The following PTPRN2 variants were observed in gnomAD, a reference collection of about 807,000 sequenced individuals.
The protein encoded by PTPRN2 is receptor-type tyrosine-protein phosphatase N2.
A neutral mutation model predicts 118.8 loss-of-function variants in PTPRN2; 74 were observed. The observed-to-expected ratio is 0.62, with a 90% CI of 0.52 to 0.76. The LOEUF (loss-of-function observed/expected upper bound fraction) is 0.76, where lower values mean the gene tolerates loss of function less well. PTPRN2 is among the 30% of genes least tolerant of loss of function. The pLI is 0.00. For missense variants in PTPRN2, 1,481 were observed against 1,394.4 expected (o/e 1.06, Z -0.99); for synonymous variants, 641 against 608.0 (o/e 1.05, Z -0.80).
At chr7:158,135,034 C>G (rs1403623686) in intron 8 of PTPRN2, among the ~76,000 whole-genome samples, 3 of 152,186 alleles carry the variant, frequency 2.0e-5, no homozygotes, top group Non-Finnish European at 4.4e-5. Flanking sequence ...AAGACCGGGT[C>G]TGCTCCTGCC....
intron 1 of PTPRN2, among the ~76,000 whole-genome samples, chr7:158,580,599 C>T (rs1828577033): frequency 6.6e-6 from 1 of 152,196 alleles, no homozygotes; most frequent in African/African-American, 2.4e-5. Flanking sequence ...AACCAACCCC[C>T]TGCCTGCTTG....
chr7:158,531,599 G>A (rs113131792), intron 1 of PTPRN2, among the ~76,000 whole-genome samples: 233 of 152,348 alleles, frequency 1.5e-3, no homozygotes, highest in African/African-American at 5.4e-3. Context: ...CATCTCACGC[G>A]CAGCCTCCTG....
chr7:157,976,577 C>G (rs1056733027), intron 11 of PTPRN2, among the ~76,000 whole-genome samples: 1 of 151,698 alleles, frequency 6.6e-6, no homozygotes, highest in Non-Finnish European at 1.5e-5. Flanking sequence ...GGGATAGTCA[C>G]GCATGTGCCT....
At chr7:158,542,090 A>G (rs191404157) in intron 1 of PTPRN2, among the ~76,000 whole-genome samples, 135 of 152,342 alleles carry the variant, frequency 8.9e-4, no homozygotes, top group African/African-American at 3.0e-3. Context: ...ACAAAATAAA[A>G]CCATGAGTTT....
chr7:157,945,184 C>T (rs1800393461), intron 11 of PTPRN2, among the ~76,000 whole-genome samples: 7 of 152,148 alleles, frequency 4.6e-5, no homozygotes. Flanking sequence ...GTGTTCAGGG[C>T]TGACTCCTCC....
At chr7:158,515,215 T>TC (rs1823457556) in intron 1 of PTPRN2, among the ~76,000 whole-genome samples, 2 of 151,404 alleles carry the variant, frequency 1.3e-5, no homozygotes, top group African/African-American at 4.9e-5. Context: ...AGGCAGTGTT[T>TC]CCCTCTTGTT....
chr7:157,621,706 A>C (rs1007681881), intron 14 of PTPRN2, among the ~76,000 whole-genome samples, 197 bp from the exon 15 acceptor site: 7 of 152,246 alleles, frequency 4.6e-5, no homozygotes, highest in Admixed American at 2.0e-4. Flanking sequence ...AAATATGTGC[A>C]TTGTTAACAC....
At chr7:158,150,896 T>A (rs1228754240) in intron 6 of PTPRN2, among the ~76,000 whole-genome samples, 1 of 151,974 alleles carries the variant, frequency 6.6e-6, no homozygotes, top group Non-Finnish European at 1.5e-5. Context: ...ATTATCCTAC[T>A]GGTTTGCAGC....
rs141003778 is a variant in PTPRN2, at chr7:157,548,894, G to C, written c.2976+52C>G. 1.6e-5 allele frequency: 25 copies of C among 1,544,414 alleles called. No individual in the cohort carries two copies. In the Middle Eastern group the frequency reaches 2.2e-3, roughly 136 times the overall value. The stretch of plus-strand genomic sequence containing the variant: ...CCGTGCTCCTCTCAGGAACACGGCC[G>C]CAGAGAGGCACCTTGAATGGGTCTG... On this transcript the variant is annotated intron_variant, in intron 22 of 22. Coordinates refer to ENST00000389418, the MANE Select transcript of PTPRN2 (RefSeq NM_002847.5).
intron 12 of PTPRN2, among the ~76,000 whole-genome samples, chr7:157,737,494 C>T (rs777150340): frequency 1.3e-5 from 2 of 152,218 alleles, no homozygotes; most frequent in African/African-American, 2.4e-5. Flanking sequence ...GCGTTGTGCC[C>T]GGGCAGGGGG....
At chr7:158,354,725 G>A (rs888516280) in intron 2 of PTPRN2, among the ~76,000 whole-genome samples, 41 of 152,200 alleles carry the variant, frequency 2.7e-4, no homozygotes, top group African/African-American at 9.6e-4. Context: ...GTGTTCAAGA[G>A]GGAGCTGAGT....
At chr7:158,157,952 G>T (rs538658418) in intron 6 of PTPRN2, among the ~76,000 whole-genome samples, 3 of 152,328 alleles carry the variant, frequency 2.0e-5, no homozygotes, top group Non-Finnish European at 4.4e-5. Context: ...GTGAACTCCA[G>T]CCAGGGGCAT....
At chr7:157,595,540 C>T (rs979684839) in intron 16 of PTPRN2, among the ~76,000 whole-genome samples, 1 of 114,178 alleles carries the variant, frequency 8.8e-6, no homozygotes, top group Non-Finnish European at 1.8e-5. Context: ...GGTTAGGAAG[C>T]CAGGAGGTTA....
At chr7:157,854,085 C>T (rs1445665058) in intron 12 of PTPRN2, among the ~76,000 whole-genome samples, 3 of 152,234 alleles carry the variant, frequency 2.0e-5, no homozygotes, top group Non-Finnish European at 4.4e-5. Flanking sequence ...GGCGATGAAT[C>T]TGCGGTTTGC....
In PTPRN2 at chr7:158,091,975, T is replaced by G. The variant is rs1485881033; in HGVS notation, c.1644-10598A>C. Among the ~76,000 whole-genome samples, 4 of 73,608 alleles carry G rather than the reference T, an allele frequency of 5.4e-5. No homozygotes were observed. The South Asian group carries it at 2.2e-3, about 40-fold the overall frequency. 48.3% of individuals were successfully genotyped at this position (73,608 alleles called of 152,430 possible). A position where few individuals can be genotyped will look rare whatever the true frequency, so the allele number is the denominator to read the frequency against. On this transcript the variant is annotated intron_variant, in intron 10 of 22. Transcript: ENST00000389418. Reference sequence around the variant, plus strand: ...GGTGATAGATGGATGGGTAGAGAGATGGTTGGTTGGGTGGGTGGGTGGGTG... The same window carrying G: ...GGTGATAGATGGATGGGTAGAGAGAGGGTTGGTTGGGTGGGTGGGTGGGTG...
chr7:158,320,497 C>G (rs1248930337), intron 2 of PTPRN2, among the ~76,000 whole-genome samples: 9 of 151,894 alleles, frequency 5.9e-5, no homozygotes, highest in Non-Finnish European at 1.3e-4. Flanking sequence ...GATGGCGCCC[C>G]CATCGCCCGC....
intron 2 of PTPRN2, among the ~76,000 whole-genome samples, chr7:158,473,753 C>T (rs1240494804): frequency 2.0e-5 from 3 of 151,938 alleles, no homozygotes; most frequent in African/African-American, 7.3e-5. Flanking sequence ...GTCTAACAGT[C>T]AACCATGATA....
chr7:157,613,325 C>T (rs547843425), intron 15 of PTPRN2, among the ~76,000 whole-genome samples: 216 of 152,358 alleles, frequency 1.4e-3, no homozygotes, highest in African/African-American at 5.0e-3. Flanking sequence ...CTCACAGACA[C>T]AAAACCAACA....
intron 12 of PTPRN2, among the ~76,000 whole-genome samples, chr7:157,735,603 C>T (rs1800250422): frequency 6.6e-6 from 1 of 152,188 alleles, no homozygotes; most frequent in African/African-American, 2.4e-5. Flanking sequence ...AAATGGAAGT[C>T]TACTTAACAT....
Sources: allele counts gnomAD v4.1 joint callset (sites outside exome capture counted in the v4.1 genomes callset), GRCh38; gene constraint gnomAD v4.1.1; transcripts MANE v1.5; gene names NCBI Gene and HGNC (gene_info 2026-07-23, HGNC 2026-07-21).